The following PHC3 variants were observed in gnomAD, a reference collection of about 807,000 sequenced individuals.
PHC3 encodes the protein polyhomeotic-like protein 3.
PHC3 carries 13 observed loss-of-function variants against 107.4 expected under a neutral mutation model. That is an observed-to-expected ratio of 0.12 (90% CI 0.08 to 0.19). The LOEUF (loss-of-function observed/expected upper bound fraction) is 0.19, where lower values mean the gene tolerates loss of function less well. PHC3 is among the 10% of genes least tolerant of loss of function. The probability of loss-of-function intolerance (pLI) is 1.00; values close to 1 mark genes in which losing one functional copy is unlikely to be tolerated. For missense variants in PHC3, 992 were observed against 1,210.9 expected (o/e 0.82, Z 2.68); for synonymous variants, 456 against 427.4 (o/e 1.07, Z -0.83).
At chr3:170,102,020 T>C (rs1194272542) in intron 14 of PHC3, among the ~76,000 whole-genome samples, 5 of 152,114 alleles carry the variant, frequency 3.3e-5, no homozygotes, top group African/African-American at 1.2e-4. Flanking sequence ...AATTTTTACA[T>C]TTTAAAAGGT....
intron 7 of PHC3, among the ~76,000 whole-genome samples, chr3:170,135,175 G>C (rs1722867697): frequency 1.3e-5 from 2 of 152,164 alleles, no homozygotes; most frequent in African/African-American, 2.4e-5. Context: ...TTTTGAGACA[G>C]AGTCTTGCTC....
chr3:170,128,441 G>C, intron 8 of PHC3: 1 of 1,266,664 alleles, frequency 7.9e-7, no homozygotes, highest in Non-Finnish European at 1.0e-6. Flanking sequence ...TGTTTAAATA[G>C]TAATAAAATT....
At chr3:170,109,167 A>T (rs1177503630) in intron 11 of PHC3, among the ~76,000 whole-genome samples, 2 of 152,298 alleles carry the variant, frequency 1.3e-5, no homozygotes, top group African/African-American at 4.8e-5. Flanking sequence ...GCTAATAAAA[A>T]TGGGATTCTA....
intron 1 of PHC3, among the ~76,000 whole-genome samples, chr3:170,180,949 CT>C (rs1405125978): frequency 6.6e-6 from 1 of 152,180 alleles, no homozygotes; most frequent in Non-Finnish European, 1.5e-5. Flanking sequence ...TCTAGGCATA[CT>C]AATACCTGCA....
chr3:170,126,845 A>G (rs1332442948), intron 8 of PHC3, among the ~76,000 whole-genome samples: 1 of 151,884 alleles, frequency 6.6e-6, no homozygotes, highest in East Asian at 1.9e-4. Context: ...CCAGCCTTAT[A>G]TTTCTATCCC....
At chr3:170,106,615 G>C (rs1716573144) in intron 12 of PHC3, among the ~76,000 whole-genome samples, 1 of 152,086 alleles carries the variant, frequency 6.6e-6, no homozygotes, top group African/African-American at 2.4e-5. Flanking sequence ...TTATGAATAT[G>C]TAATTTTCGC....
In PHC3 at chr3:170,139,227, G is replaced by C. The variant is rs985697814; in HGVS notation, c.673-2562C>G. ...CGGTGCTGCAGACTTAACAGATGAG[G>C]TATTCTCCTATATATGATTTTGAAA... On this transcript the variant is annotated intron_variant, in intron 6 of 14. Transcript: ENST00000495893. 5.3e-5 allele frequency among the ~76,000 whole-genome samples: 8 copies of C among 152,218 alleles called. 1 individual carries two copies.
intron 12 of PHC3, among the ~76,000 whole-genome samples, chr3:170,106,569 T>C (rs1366535468): frequency 6.6e-6 from 1 of 152,190 alleles, no homozygotes; most frequent in Admixed American, 6.5e-5. Flanking sequence ...ATTACTACTT[T>C]AATATTAGAT....
At chr3:170,157,190 T>A (rs1272050349) in intron 4 of PHC3, among the ~76,000 whole-genome samples, 2 of 152,182 alleles carry the variant, frequency 1.3e-5, no homozygotes, top group Admixed American at 1.3e-4. Flanking sequence ...TTGATCTCTG[T>A]CTGCAAACAT....
intron 14 of PHC3, among the ~76,000 whole-genome samples, chr3:170,101,937 GTTTA>G (rs1229786271): frequency 1.3e-5 from 2 of 151,838 alleles, no homozygotes; most frequent in African/African-American, 2.4e-5. Context: ...GGCTCTTGAT[GTTTA>G]TTTATTGAAA....
intron 3 of PHC3, 149 bp downstream of exon 3, chr3:170,172,408 C>A: frequency 1.2e-6 from 1 of 815,472 alleles, no homozygotes; most frequent in Non-Finnish European, 1.9e-6. Context: ...CAATTAACTT[C>A]TATTCGGCAA....
intron 4 of PHC3, among the ~76,000 whole-genome samples, chr3:170,154,214 T>C (rs1726519962): frequency 6.6e-6 from 1 of 152,160 alleles, no homozygotes; most frequent in Non-Finnish European, 1.5e-5. Flanking sequence ...AATAAGCTTA[T>C]TAAGTTAATT....
chr3:170,143,650 A>T (rs924953099), intron 6 of PHC3, among the ~76,000 whole-genome samples: 6 of 152,194 alleles, frequency 3.9e-5, no homozygotes, highest in African/African-American at 1.4e-4. Context: ...GTAACACTCT[A>T]ACTCAATTGT....
intron 14 of PHC3, chr3:170,102,273 G>A (rs1344005761): frequency 3.0e-6 from 3 of 985,374 alleles, no homozygotes; most frequent in East Asian, 2.3e-4. Flanking sequence ...AGTTTTTATC[G>A]ACTTGGGGGG....
chr3:170,166,675 C>CT (rs148296992), intron 4 of PHC3, among the ~76,000 whole-genome samples: 36,315 of 151,868 alleles, frequency 0.24, 5,299 homozygotes, highest in South Asian at 0.4. Context: ...ATTATTTTGG[C>CT]TTTTTTTGAA....
rs1176074851 is a variant in PHC3 at position 170,089,424 on chromosome 3, A to C, written c.*7806T>G. 1 of 152,216 alleles carries C rather than the reference A, an allele frequency of 6.6e-6. No homozygotes were observed. Among genetic ancestry groups the C allele is most frequent in the Non-Finnish European group, 1.5e-5 (1 of 68,026 alleles). 9.4% of individuals were successfully genotyped at this position (152,216 alleles called of 1,614,324 possible). A position where few individuals can be genotyped will look rare whatever the true frequency, so the allele number is the denominator to read the frequency against. ...ACTGTTTCATGTTTACCCGTTCTACATTTAAAGGATGCCCTTTTACTATAT... is the reference window on the plus strand; with the variant it reads ...ACTGTTTCATGTTTACCCGTTCTACCTTTAAAGGATGCCCTTTTACTATAT... On this transcript the variant is annotated 3_prime_UTR_variant, in exon 15 of 15. Transcript: ENST00000495893.
At chr3:170,101,216 A>G (rs552530146) in intron 14 of PHC3, among the ~76,000 whole-genome samples, 13 of 152,178 alleles carry the variant, frequency 8.5e-5, no homozygotes, top group Non-Finnish European at 1.3e-4. Context: ...AAGTATCTCC[A>G]CTTTAAACAA....
Position 170,090,217 on chromosome 3 carries a change from G to A in PHC3, c.*7013C>T, listed in dbSNP as rs892197838. The A allele has an allele frequency of 8.5e-5, 13 of 152,154 alleles. No individual in the cohort carries two copies. Among genetic ancestry groups the A allele is most frequent in the African/African-American group, 2.4e-4 (10 of 41,434 alleles). 9.4% of individuals were successfully genotyped at this position (152,154 alleles called of 1,614,324 possible). The stretch of plus-strand genomic sequence containing the variant: ...TATGATTCACTCAGACCCCTTAGAT[G>A]TCATCTAGCCTAACCCTTTACCCAA... On this transcript the variant is annotated 3_prime_UTR_variant, in exon 15 of 15. Coordinates refer to ENST00000495893, the MANE Select transcript of PHC3 (RefSeq NM_024947.4).
chr3:170,100,292 C>T lies in PHC3; in HGVS notation c.2833+2187G>A, dbSNP rs1376180464. On this transcript the variant is annotated intron_variant, in intron 14 of 14. Coordinates refer to ENST00000495893, the MANE Select transcript of PHC3 (RefSeq NM_024947.4). ...TAGACTACTCAGGGAAAACAAACAG[C>T]GCTTAATGAGAGCTAAAAGAAGCTC... Among the ~76,000 whole-genome samples, 2 of 152,014 alleles carry T rather than the reference C, an allele frequency of 1.3e-5. 1 individual carries two copies. The highest frequency in any genetic ancestry group is 1.3e-4 in the Admixed American group (2 of 15,256).
Sources: gnomAD v4.1 joint callset for allele counts (sites outside exome capture counted in the v4.1 genomes callset) on GRCh38, gnomAD v4.1.1 for gene constraint, MANE v1.5 for transcripts, NCBI Gene and HGNC (gene_info 2026-07-23, HGNC 2026-07-21) for gene names.